BBS9: variants seen among roughly 807,000 people sequenced by gnomAD.
BBS9 encodes protein PTHB1.
In BBS9, 89 loss-of-function variants were observed where a neutral mutation model predicts 117.7. The observed-to-expected ratio is 0.76, with a 90% CI of 0.64 to 0.90. The LOEUF is 0.90. BBS9 is among the 40% of genes least tolerant of loss of function. The probability of loss-of-function intolerance (pLI) is 0.00; values close to 1 mark genes in which losing one functional copy is unlikely to be tolerated. For missense variants in BBS9, 982 were observed against 1,042.2 expected (o/e 0.94, Z 0.80); for synonymous variants, 379 against 370.9 (o/e 1.02, Z -0.25).
intron 20 of BBS9, among the ~76,000 whole-genome samples, chr7:33,528,960 T>G (rs932571769): frequency 1.3e-5 from 2 of 152,250 alleles, no homozygotes; most frequent in East Asian, 3.8e-4. Flanking sequence ...ACTTGCTTGA[T>G]CTGGTATTTA....
chr7:33,258,349 T>C (rs1476519934), intron 6 of BBS9, among the ~76,000 whole-genome samples: 1 of 152,214 alleles, frequency 6.6e-6, no homozygotes, highest in Non-Finnish European at 1.5e-5. Flanking sequence ...GTCTTCATGT[T>C]TCAATGTTGT....
intron 5 of BBS9, among the ~76,000 whole-genome samples, chr7:33,250,675 T>C (rs1383530973): frequency 6.6e-6 from 1 of 152,220 alleles, no homozygotes; most frequent in African/African-American, 2.4e-5. Context: ...GTAGCCAAGA[T>C]TGTAATAAAT....
intron 21 of BBS9, among the ~76,000 whole-genome samples, chr7:33,546,015 G>A (rs1853295887): frequency 7.9e-6 from 1 of 126,008 alleles, no homozygotes; most frequent in Non-Finnish European, 1.6e-5. Context: ...CTCACTGCAA[G>A]CTCCGCCTCC....
chr7:33,387,639 G>A (rs1002669353), intron 18 of BBS9, among the ~76,000 whole-genome samples: 3 of 152,018 alleles, frequency 2.0e-5, no homozygotes, highest in Non-Finnish European at 4.4e-5. Flanking sequence ...TTTTTCTGGT[G>A]CTTTTATTGT....
intron 19 of BBS9, among the ~76,000 whole-genome samples, chr7:33,418,097 A>G (rs1832298040): frequency 6.6e-6 from 1 of 152,188 alleles, no homozygotes. Context: ...AGAATGAATT[A>G]CTACAGCCCT....
chr7:33,173,606 G>C (rs1396353781), intron 4 of BBS9, among the ~76,000 whole-genome samples: 1 of 151,656 alleles, frequency 6.6e-6, no homozygotes, highest in Non-Finnish European at 1.5e-5. Context: ...AATTTTAGAA[G>C]CTTCCACAGG....
intron 19 of BBS9, among the ~76,000 whole-genome samples, chr7:33,406,764 C>A (rs971469658): frequency 1.3e-5 from 2 of 152,048 alleles, no homozygotes; most frequent in Non-Finnish European, 1.5e-5. Context: ...ATATTGGCCC[C>A]CACTCTCTTC....
At chr7:33,262,823 A>T (rs1001065222) in intron 6 of BBS9, among the ~76,000 whole-genome samples, 1 of 152,192 alleles carries the variant, frequency 6.6e-6, no homozygotes, top group African/African-American at 2.4e-5. Flanking sequence ...ATTTTCACTC[A>T]TCCTTTAAAA....
chr7:33,633,165 A>G (rs1316381516), intron 21 of BBS9, among the ~76,000 whole-genome samples: 1 of 152,164 alleles, frequency 6.6e-6, no homozygotes, highest in African/African-American at 2.4e-5. Flanking sequence ...CTCACACAAC[A>G]TTCCTTTCTT....
intron 9 of BBS9, among the ~76,000 whole-genome samples, chr7:33,312,403 C>T (rs1472491703): frequency 6.6e-6 from 1 of 152,098 alleles, no homozygotes; most frequent in African/African-American, 2.4e-5. Context: ...AACACAGCAT[C>T]GTGTAGCTGC....
At chr7:33,348,399 A>ATTTCTTTTTTTG (rs1224477358) in intron 12 of BBS9, among the ~76,000 whole-genome samples, 1 of 152,150 alleles carries the variant, frequency 6.6e-6, no homozygotes, top group African/African-American at 2.4e-5. Flanking sequence ...AATGTTATTC[A>ATTTCTTTTTTTG]TAATGTATTT....
At chr7:33,615,265 C>A (rs1202103753) in intron 21 of BBS9, among the ~76,000 whole-genome samples, 1 of 151,916 alleles carries the variant, frequency 6.6e-6, no homozygotes, top group Non-Finnish European at 1.5e-5. Context: ...AGCATCAGAA[C>A]CAGAGTCAGA....
intron 19 of BBS9, among the ~76,000 whole-genome samples, chr7:33,416,209 A>G (rs1456552075): frequency 1.3e-5 from 2 of 151,708 alleles, no homozygotes; most frequent in Admixed American, 6.6e-5. Context: ...ATTTCTCTTG[A>G]AAAATCAGTA....
intron 19 of BBS9, among the ~76,000 whole-genome samples, chr7:33,430,039 T>G (rs1279739569): frequency 6.6e-6 from 1 of 152,148 alleles, no homozygotes; most frequent in African/African-American, 2.4e-5. Context: ...GTCTTACTGG[T>G]ACCAGGGAGA....
intron 19 of BBS9, among the ~76,000 whole-genome samples, chr7:33,460,019 G>A (rs1839221104): frequency 6.6e-6 from 1 of 152,210 alleles, no homozygotes; most frequent in Middle Eastern, 3.4e-3. Context: ...TACTGATGGT[G>A]TTTGAGACTA....
intron 19 of BBS9, among the ~76,000 whole-genome samples, chr7:33,401,311 G>C (rs1828879354): frequency 6.6e-6 from 1 of 152,138 alleles, no homozygotes; most frequent in South Asian, 2.1e-4. Context: ...TGTGATTCAA[G>C]GTAAAAGTAT....
chr7:33,561,227 T>C (rs1277644942), intron 21 of BBS9, among the ~76,000 whole-genome samples: 1 of 152,212 alleles, frequency 6.6e-6, no homozygotes, highest in African/African-American at 2.4e-5. Context: ...GTGGAGTTCT[T>C]TTCTAAGTGA....
intron 4 of BBS9, among the ~76,000 whole-genome samples, chr7:33,166,299 G>C (rs1795669873): frequency 6.6e-6 from 1 of 152,234 alleles, no homozygotes; most frequent in South Asian, 2.1e-4. Flanking sequence ...CTCCCAGTTA[G>C]GCTACTCAGG....
chr7:33,376,807 G>A (rs1823984274), intron 17 of BBS9, among the ~76,000 whole-genome samples: 1 of 152,050 alleles, frequency 6.6e-6, no homozygotes, highest in South Asian at 2.1e-4. Flanking sequence ...GTGATATTGA[G>A]TATTATTTCA....
Sources: gnomAD v4.1 joint callset for allele counts (sites outside exome capture counted in the v4.1 genomes callset) on GRCh38, gnomAD v4.1.1 for gene constraint, MANE v1.5 for transcripts, NCBI Gene and HGNC (gene_info 2026-07-23, HGNC 2026-07-21) for gene names.